The following LPAR1 variants were observed in gnomAD, a reference collection of about 807,000 sequenced individuals.
LPAR1 encodes the protein LPA receptor 1.
Under a neutral mutation model 23.8 loss-of-function variants are expected in LPAR1, and 5 were observed. The ratio of observed to expected loss-of-function variants is 0.21; its 90% CI spans 0.11 to 0.44. LPAR1 has a LOEUF of 0.44. LPAR1 is among the 20% of genes least tolerant of loss of function. LPAR1 has a pLI of 0.99. For missense variants in LPAR1, 311 were observed against 482.8 expected (o/e 0.64, Z 3.33); for synonymous variants, 160 against 164.7 (o/e 0.97, Z 0.22).
At chr9:110,966,452 C>A (rs2096228872) in intron 4 of LPAR1, among the ~76,000 whole-genome samples, 1 of 149,814 alleles carries the variant, frequency 6.7e-6, no homozygotes, top group Non-Finnish European at 1.5e-5. Flanking sequence ...GCACTCCAGC[C>A]TGGGCAACAG....
intron 5 of LPAR1, among the ~76,000 whole-genome samples, chr9:110,905,181 C>T (rs1233596103): frequency 6.6e-6 from 1 of 152,184 alleles, no homozygotes; most frequent in Admixed American, 6.5e-5. Flanking sequence ...GGTCCACCAA[C>T]TTAACATGCT....
At chr9:111,019,614 G>C (rs548298451) in intron 2 of LPAR1, among the ~76,000 whole-genome samples, 1 of 152,042 alleles carries the variant, frequency 6.6e-6, no homozygotes, top group East Asian at 1.9e-4. Flanking sequence ...GAGGCGGGCA[G>C]ATCACAAGGA....
At chr9:111,021,418 C>T (rs117844313) in intron 2 of LPAR1, among the ~76,000 whole-genome samples, 1 of 152,218 alleles carries the variant, frequency 6.6e-6, no homozygotes, top group East Asian at 1.9e-4. Flanking sequence ...TTGGTGTAGT[C>T]ATTAAAATTG....
intron 5 of LPAR1, among the ~76,000 whole-genome samples, chr9:110,929,339 G>A (rs1438338187): frequency 1.3e-5 from 2 of 151,480 alleles, no homozygotes; most frequent in African/African-American, 4.9e-5. Flanking sequence ...AATATCAAAG[G>A]TACCAACAGA....
At chr9:111,009,806 C>T (rs1375301948) in intron 2 of LPAR1, among the ~76,000 whole-genome samples, 2 of 151,344 alleles carry the variant, frequency 1.3e-5, no homozygotes, top group East Asian at 1.9e-4. Flanking sequence ...CCTATAATTT[C>T]TAATCAATAA....
At chr9:111,037,349 G>A (rs1256278772) in intron 1 of LPAR1, among the ~76,000 whole-genome samples, 1 of 152,208 alleles carries the variant, frequency 6.6e-6, no homozygotes. Flanking sequence ...GAAGAGAGGA[G>A]AGCAGAAGCG....
intron 4 of LPAR1, among the ~76,000 whole-genome samples, chr9:110,957,350 A>AAT (rs1554710948): frequency 2.6e-4 from 38 of 147,850 alleles, no homozygotes; most frequent in East Asian, 2.3e-3. Context: ...AAAAAAAAAA[A>AAT]AATAATAATA....
chr9:111,030,144 C>T (rs1588949178), intron 2 of LPAR1, among the ~76,000 whole-genome samples: 1 of 151,926 alleles, frequency 6.6e-6, no homozygotes, highest in Admixed American at 6.6e-5. Flanking sequence ...AAACTGACAG[C>T]GTCTCAAAGT....
chr9:110,936,373 C>T (rs1356497350), intron 5 of LPAR1, among the ~76,000 whole-genome samples: 3 of 152,230 alleles, frequency 2.0e-5, no homozygotes, highest in Non-Finnish European at 2.9e-5. Context: ...CTGCCACTTT[C>T]GTCACCACTG....
At chr9:111,012,430 T>C (rs928923710) in intron 2 of LPAR1, among the ~76,000 whole-genome samples, 1 of 151,282 alleles carries the variant, frequency 6.6e-6, no homozygotes, top group Non-Finnish European at 1.5e-5. Flanking sequence ...TGTTATTGTT[T>C]TAACAAACAC....
intron 2 of LPAR1, among the ~76,000 whole-genome samples, chr9:111,019,954 G>C (rs1013807286): frequency 7.2e-5 from 11 of 152,184 alleles, no homozygotes; most frequent in Non-Finnish European, 1.3e-4. Context: ...TTTCTGGTGA[G>C]GGCTCTCCTT....
chr9:110,985,727 T>A (rs1016157795), intron 2 of LPAR1, among the ~76,000 whole-genome samples: 1 of 152,070 alleles, frequency 6.6e-6, no homozygotes, highest in Non-Finnish European at 1.5e-5. Flanking sequence ...AACCAAGAAT[T>A]GTAAAATTCA....
intron 5 of LPAR1, among the ~76,000 whole-genome samples, chr9:110,936,702 C>T (rs2094729653): frequency 6.6e-6 from 1 of 152,174 alleles, no homozygotes; most frequent in Non-Finnish European, 1.5e-5. Flanking sequence ...TCTCCCTCTT[C>T]TTCCCCAAAG....
chr9:111,033,749 C>T (rs570191380), intron 2 of LPAR1, among the ~76,000 whole-genome samples: 4 of 152,218 alleles, frequency 2.6e-5, no homozygotes, highest in African/African-American at 9.6e-5. Flanking sequence ...GACAGGGTTT[C>T]ACCATGTTAG....
At chr9:111,005,575 A>G (rs78664608) in intron 2 of LPAR1, among the ~76,000 whole-genome samples, 17,504 of 131,392 alleles carry the variant, frequency 0.13, 1,462 homozygotes, top group African/African-American at 0.19. Flanking sequence ...AAAAAAAAAA[A>G]AAGAAGAATT....
intron 5 of LPAR1, among the ~76,000 whole-genome samples, chr9:110,880,428 G>T (rs558763165): frequency 2.0e-5 from 3 of 152,200 alleles, no homozygotes; most frequent in Admixed American, 2.0e-4. Context: ...TTTTTTTCTA[G>T]AATGACTTTT....
At chr9:110,966,444 A>T (rs1588587985) in intron 4 of LPAR1, among the ~76,000 whole-genome samples, 1 of 149,610 alleles carries the variant, frequency 6.7e-6, no homozygotes, top group East Asian at 2.0e-4. Context: ...ACGACATTGC[A>T]CTCCAGCCTG....
At chr9:111,018,034 A>G (rs1049847896) in intron 2 of LPAR1, among the ~76,000 whole-genome samples, 3 of 152,028 alleles carry the variant, frequency 2.0e-5, no homozygotes, top group Non-Finnish European at 4.4e-5. Context: ...AACAAAACAA[A>G]CAAACAAAAA....
chr9:110,922,683 CTG>C (rs2093708041), intron 5 of LPAR1, among the ~76,000 whole-genome samples: 1 of 151,608 alleles, frequency 6.6e-6, no homozygotes, highest in Non-Finnish European at 1.5e-5. Context: ...CTTTGGGGCA[CTG>C]TAAAAAAACT....
Sources: gnomAD v4.1 joint callset for allele counts (sites outside exome capture counted in the v4.1 genomes callset) on GRCh38, gnomAD v4.1.1 for gene constraint, MANE v1.5 for transcripts, NCBI Gene and HGNC (gene_info 2026-07-23, HGNC 2026-07-21) for gene names.